TRAPPC9: variants seen among roughly 807,000 people sequenced by gnomAD.
TRAPPC9 encodes IKK2 binding protein.
A neutral mutation model predicts 124.0 loss-of-function variants in TRAPPC9; 83 were observed. The ratio of observed to expected loss-of-function variants is 0.67; its 90% CI spans 0.56 to 0.80. TRAPPC9 has a LOEUF of 0.80. TRAPPC9 is among the 30% of genes least tolerant of loss of function. The probability of loss-of-function intolerance (pLI) is 0.00; values close to 1 mark genes in which losing one functional copy is unlikely to be tolerated. For missense variants in TRAPPC9, 1,302 were observed against 1,508.3 expected (o/e 0.86, Z 2.27); for synonymous variants, 638 against 617.5 (o/e 1.03, Z -0.49).
intron 19 of TRAPPC9, among the ~76,000 whole-genome samples, chr8:139,924,516 C>T (rs571352736): frequency 1.3e-5 from 2 of 152,350 alleles, no homozygotes; most frequent in Admixed American, 6.5e-5. Context: ...GCCTGGGAAC[C>T]GTCAACGCAC....
At chr8:140,173,515 C>T (rs186113219) in intron 17 of TRAPPC9, among the ~76,000 whole-genome samples, 10 of 146,078 alleles carry the variant, frequency 6.8e-5, no homozygotes, top group African/African-American at 2.6e-4. Context: ...GATCGCACCA[C>T]TGCACTCCAG....
intron 7 of TRAPPC9, among the ~76,000 whole-genome samples, chr8:140,378,803 G>A (rs1034894231): frequency 6.6e-6 from 1 of 152,130 alleles, no homozygotes; most frequent in Non-Finnish European, 1.5e-5. Context: ...TCCTATGTGA[G>A]CACTGAAAAC....
intron 8 of TRAPPC9, 122 bp from the exon 9 acceptor site, chr8:140,360,315 C>G: frequency 7.9e-7 from 1 of 1,270,694 alleles, no homozygotes; most frequent in Non-Finnish European, 1.1e-6. Context: ...ACTCCAAGAG[C>G]AACAAAAAAT....
chr8:140,232,412 G>C (rs1402325460), intron 16 of TRAPPC9, among the ~76,000 whole-genome samples: 1 of 140,984 alleles, frequency 7.1e-6, no homozygotes, highest in East Asian at 1.9e-4. Context: ...AAGGTAGTAT[G>C]AACTGCTTTT....
At chr8:140,143,390 T>C (rs1161670545) in intron 17 of TRAPPC9, among the ~76,000 whole-genome samples, 1 of 152,246 alleles carries the variant, frequency 6.6e-6, no homozygotes, top group Admixed American at 6.5e-5. Context: ...ACCAGTCCTC[T>C]GATGGCTATA....
intron 7 of TRAPPC9, among the ~76,000 whole-genome samples, chr8:140,378,571 C>A (rs1269707676): frequency 6.6e-6 from 1 of 152,062 alleles, no homozygotes; most frequent in African/African-American, 2.4e-5. Context: ...AATAAACTCC[C>A]CTTTATATAT....
At chr8:139,747,716 A>C (rs145790536) in intron 21 of TRAPPC9, among the ~76,000 whole-genome samples, 402 of 39,244 alleles carry the variant, frequency 0.01, 27 homozygotes, top group South Asian at 0.015. Flanking sequence ...CCGGGGTCAG[A>C]GCAGGTGGGA....
At position 140,046,981 on chromosome 8, in the gene TRAPPC9, G is replaced by A. The variant is rs184944434; in HGVS notation, c.2557-22902C>T. Among the ~76,000 whole-genome samples, 810 of 152,306 alleles carry A rather than the reference G, an allele frequency of 5.3e-3. 5 individuals are homozygous for A. The highest frequency in any genetic ancestry group is 5.8e-3 in the Non-Finnish European group (392 of 68,028). ...ACGTGTACAGAAAAAGCCTAGAAAG[G>A]TTCCCGTGGCACCTACAATAAACTG... On this transcript the variant is annotated intron_variant, in intron 17 of 22. Coordinates refer to ENST00000438773, the MANE Select transcript of TRAPPC9 (RefSeq NM_001160372.4).
intron 10 of TRAPPC9, 127 bp downstream of exon 10, chr8:140,311,121 G>T: frequency 8.9e-7 from 1 of 1,126,256 alleles, no homozygotes; most frequent in Non-Finnish European, 1.3e-6. Flanking sequence ...CAAGTTTAAT[G>T]AGATAATGAA....
In TRAPPC9 at chr8:139,831,747, T is replaced by C. The variant is rs139935286; in HGVS notation, c.3055+54132A>G. On this transcript the variant is annotated intron_variant, in intron 21 of 22. Transcript: ENST00000438773. ...AGGCTCCTTTGCTTTGCAAAGCAAC[T>C]TGCCGCAGTGAAAGTGTTACTCTCC... Among the ~76,000 whole-genome samples, 1,182 of 152,262 alleles carry C rather than the reference T, an allele frequency of 7.8e-3. 10 individuals are homozygous for C. Among genetic ancestry groups the C allele is most frequent in the Middle Eastern group, 0.014 (4 of 294 alleles).
chr8:140,346,573 T>C (rs1425671662), intron 9 of TRAPPC9, among the ~76,000 whole-genome samples: 2 of 152,232 alleles, frequency 1.3e-5, no homozygotes, highest in Non-Finnish European at 2.9e-5. Flanking sequence ...TTTTTTCTTA[T>C]GCTTTTCACT....
chr8:139,943,847 C>G (rs1834053186), intron 19 of TRAPPC9, among the ~76,000 whole-genome samples: 1 of 152,024 alleles, frequency 6.6e-6, no homozygotes, highest in Non-Finnish European at 1.5e-5. Flanking sequence ...AGTAAGTCAT[C>G]CAATCTTAAG....
At chr8:140,205,887 G>A (rs2062905991) in intron 17 of TRAPPC9, among the ~76,000 whole-genome samples, 1 of 152,158 alleles carries the variant, frequency 6.6e-6, no homozygotes, top group South Asian at 2.1e-4. Context: ...ACATTACCTA[G>A]GAGAAGTCTC....
intron 18 of TRAPPC9, among the ~76,000 whole-genome samples, chr8:140,013,944 A>G (rs974453412): frequency 1.3e-5 from 2 of 152,240 alleles, no homozygotes; most frequent in African/African-American, 4.8e-5. Flanking sequence ...GAAATCAGAT[A>G]CAGGCGCATG....
At chr8:139,953,491 CA>C (rs1212251809) in intron 19 of TRAPPC9, among the ~76,000 whole-genome samples, 1 of 150,976 alleles carries the variant, frequency 6.6e-6, no homozygotes, top group Non-Finnish European at 1.5e-5. Flanking sequence ...GACTCTGTCT[CA>C]AAAAAAATGT....
Position 140,063,656 on chromosome 8 carries a change from T to A in TRAPPC9, c.2557-39577A>T, listed in dbSNP as rs1842757133. On this transcript the variant is annotated intron_variant, in intron 17 of 22. Transcript: ENST00000438773. This position sits in a 1 kb window ranked among gnomAD's most constrained non-coding sequence, Gnocchi z 4.3. The stretch of plus-strand genomic sequence containing the variant: ...CACACTATAAGATTTAGTGCATACT[T>A]TTTTCCATAAAAGAATTATTTCGGC... 6.6e-6 allele frequency among the ~76,000 whole-genome samples: 1 copy of A among 152,196 alleles called. No individual in the cohort carries two copies. The highest frequency in any genetic ancestry group is 1.5e-5 in the Non-Finnish European group (1 of 68,032).
At position 140,237,166 on chromosome 8, in the gene TRAPPC9, G is replaced by A. The variant is rs2063749338; in HGVS notation, c.2432-15583C>T. On this transcript the variant is annotated intron_variant, in intron 16 of 22. Coordinates refer to ENST00000438773, the MANE Select transcript of TRAPPC9 (RefSeq NM_001160372.4). ...ACTGCACTCTGGCCTAGGCGAAACA[G>A]TGAGACTTCATCTCAAAAAAATATA... Among the ~76,000 whole-genome samples the A allele has an allele frequency of 3.3e-5, 5 of 151,978 alleles. No homozygotes were observed. In the South Asian group the frequency reaches 1.0e-3, roughly 32 times the overall value.
intron 17 of TRAPPC9, among the ~76,000 whole-genome samples, chr8:140,167,627 A>G (rs181258843): frequency 1.3e-5 from 2 of 152,378 alleles, no homozygotes; most frequent in East Asian, 3.8e-4. Flanking sequence ...ACATGAAGGT[A>G]TGTGAATGGG....
chr8:139,793,245 C>T (rs1017268331), intron 21 of TRAPPC9, among the ~76,000 whole-genome samples: 4 of 152,172 alleles, frequency 2.6e-5, no homozygotes, highest in African/African-American at 7.2e-5. Context: ...TTCCAGGACC[C>T]CTCTGTCCCA....
Sources: allele counts gnomAD v4.1 joint callset (sites outside exome capture counted in the v4.1 genomes callset), GRCh38; gene constraint gnomAD v4.1.1; non-coding constraint Gnocchi (gnomAD v3.1); transcripts MANE v1.5; gene names NCBI Gene and HGNC (gene_info 2026-07-23, HGNC 2026-07-21).